The following INSC variants were observed in gnomAD, a reference collection of about 807,000 sequenced individuals.
INSC encodes protein inscuteable homolog.
A neutral mutation model predicts 58.6 loss-of-function variants in INSC; 67 were observed. The observed-to-expected ratio is 1.14, with a 90% CI of 0.94 to 1.40. The LOEUF is 1.40. Ranked by LOEUF, INSC falls within the 40% of genes most tolerant of loss-of-function variation. The pLI is 0.00. For synonymous variants in INSC, 262 were observed against 276.1 expected, an observed-to-expected ratio of 0.95 and a Z score of 0.51; for missense variants, 714 against 692.0, an observed-to-expected ratio of 1.03 and a Z score of -0.36.
intron 5 of INSC, among the ~76,000 whole-genome samples, chr11:15,181,187 G>C (rs76004553): frequency 6.6e-6 from 1 of 152,154 alleles, no homozygotes; most frequent in Non-Finnish European, 1.5e-5. Context: ...CATAGGCAGG[G>C]GTTTTGGTTT....
Position 15,247,194 on chromosome 11 carries a change from T to A in INSC, c.*1154T>A, listed in dbSNP as rs1308457869. ...ATTATAATAATGTTTCAATAAACATTTCTTAAATTCCCAATTACTAGTTTA... is the reference window on the plus strand; with the variant it reads ...ATTATAATAATGTTTCAATAAACATATCTTAAATTCCCAATTACTAGTTTA... On this transcript the variant is annotated 3_prime_UTR_variant, in exon 13 of 13. Transcript: ENST00000379556. 6.6e-6 allele frequency: 1 copy of A among 152,180 alleles called. No homozygotes were observed. Among genetic ancestry groups the A allele is most frequent in the Non-Finnish European group, 1.5e-5 (1 of 68,034 alleles). The allele number at this position is 152,180 out of a possible 1,614,324, so 9.4% of individuals were successfully genotyped here.
intron 2 of INSC, among the ~76,000 whole-genome samples, chr11:15,163,750 C>T (rs557243224): frequency 2.2e-4 from 34 of 152,216 alleles, no homozygotes; most frequent in South Asian, 1.2e-3. Context: ...CCTGCCACCA[C>T]GCTCAACTAA....
At chr11:15,129,255 A>G (rs1296071279) in intron 1 of INSC, among the ~76,000 whole-genome samples, 2 of 151,990 alleles carry the variant, frequency 1.3e-5, no homozygotes, top group Non-Finnish European at 2.9e-5. Flanking sequence ...TCTTGGGTCT[A>G]TTTAGGGGCT....
chr11:15,175,908 A>G lies in INSC; in HGVS notation c.224A>G (p.Gln75Arg). ...GGCCCTGGCCCTGGAGACCCCCTGC[A>G]GCTGCTGCTCAAACGGGGTTGGGTC... ...AGGPGPGDPLQLLLKRGWVIS... is the reference protein window; with the variant it reads ...AGGPGPGDPLRLLLKRGWVIS... The change falls in exon 3 of 13, where the codon CAG becomes CGG. Residue 75 changes from glutamine (Q) to arginine (R), a missense_variant. Transcript: ENST00000379556. 1.9e-6 allele frequency: 3 copies of G among 1,614,192 alleles called. No individual in the cohort carries two copies. The highest frequency in any genetic ancestry group is 2.5e-6 in the Non-Finnish European group (3 of 1,180,000).
intron 1 of INSC, among the ~76,000 whole-genome samples, chr11:15,142,162 T>G (rs947096901): frequency 7.2e-5 from 11 of 152,212 alleles, no homozygotes; most frequent in African/African-American, 1.2e-4. Context: ...CCTTGTCCCA[T>G]CTTCCCCTGG....
intron 7 of INSC, 124 bp downstream of exon 7, chr11:15,201,073 C>T: frequency 4.1e-6 from 5 of 1,233,694 alleles, no homozygotes; most frequent in Non-Finnish European, 5.6e-6. Context: ...TTTTCCCAGG[C>T]ACCATTCGGA....
intron 9 of INSC, among the ~76,000 whole-genome samples, chr11:15,231,355 CCACA>C (rs1851917691): frequency 6.6e-6 from 1 of 152,074 alleles, no homozygotes; most frequent in African/African-American, 2.4e-5. Context: ...TTGTCTTGGG[CCACA>C]CATAAAATAC....
At chr11:15,196,585 G>A (rs186391466) in intron 6 of INSC, among the ~76,000 whole-genome samples, 13 of 152,242 alleles carry the variant, frequency 8.5e-5, no homozygotes, top group Admixed American at 8.5e-4. Context: ...GGCTGGTGGA[G>A]GTCAAAACTG....
At chr11:15,134,818 A>G (rs1479041612) in intron 1 of INSC, among the ~76,000 whole-genome samples, 1 of 143,236 alleles carries the variant, frequency 7.0e-6, no homozygotes, top group Non-Finnish European at 1.5e-5. Context: ...GTCAAGTCTC[A>G]TCTTCCTCCT....
intron 7 of INSC, 75 bp from the exon 8 acceptor site, chr11:15,221,402 T>C: frequency 6.6e-7 from 1 of 1,504,314 alleles, no homozygotes; most frequent in Non-Finnish European, 9.0e-7. Flanking sequence ...GCTGAATCTG[T>C]ATCTGTCTCA....
intron 7 of INSC, among the ~76,000 whole-genome samples, chr11:15,208,778 C>T (rs1208073624): frequency 6.6e-6 from 1 of 152,172 alleles, no homozygotes; most frequent in African/African-American, 2.4e-5. Context: ...CGCAGAGGCT[C>T]GGTGGGACCC....
chr11:15,248,644 C>T (rs74951359), downstream of INSC, among the ~76,000 whole-genome samples: 37 of 152,262 alleles, frequency 2.4e-4, 1 homozygote, highest in East Asian at 6.8e-3. Flanking sequence ...CTGCCCATTC[C>T]TCAATATCAG....
rs1311621044 is a variant in INSC, at chr11:15,178,448, G to A, written c.579+1G>A. The A allele has an allele frequency of 5.6e-6, 9 of 1,609,174 alleles. No individual in the cohort carries two copies. The highest frequency in any genetic ancestry group is 7.6e-6 in the Non-Finnish European group (9 of 1,179,982). On this transcript the variant is annotated splice_donor_variant, in intron 5 of 12. Transcript: ENST00000379556. LOFTEE classifies it high-confidence loss of function. ...GCTGGCCCTGACACGGGAGGTTCAG[G>A]TCAGTGCAGGCTGGGCTGCAGGGAG...
upstream of INSC, chr11:15,114,849 G>A: frequency 1.3e-6 from 1 of 794,812 alleles, no homozygotes; most frequent in Non-Finnish European, 1.5e-6. Flanking sequence ...CGGAGAGGGC[G>A]GGCGGGGGAG....
intron 5 of INSC, chr11:15,188,404 G>C: frequency 1.0e-6 from 1 of 972,510 alleles, no homozygotes; most frequent in Non-Finnish European, 1.2e-6. Flanking sequence ...AATTCAGAGG[G>C]GTCAGGGCCC....
chr11:15,166,286 G>A lies in INSC; in HGVS notation c.57-9455G>A, dbSNP rs190549929. On this transcript the variant is annotated intron_variant, in intron 2 of 12. Coordinates refer to ENST00000379556, the MANE Select transcript of INSC (RefSeq NM_001042536.3). ...AGAATTGGGGCAATGGTTTCTAAGG[G>A]TCTAAGCTCTACCCAACCAGAGCAT... Among the ~76,000 whole-genome samples, 3 of 152,318 alleles carry A rather than the reference G, an allele frequency of 2.0e-5. No individual in the cohort carries two copies. In the East Asian group the frequency reaches 5.8e-4, roughly 29 times the overall value.
At chr11:15,174,598 G>A (rs1849511863) in intron 2 of INSC, among the ~76,000 whole-genome samples, 1 of 152,192 alleles carries the variant, frequency 6.6e-6, no homozygotes, top group Non-Finnish European at 1.5e-5. Flanking sequence ...GGTAAGATCA[G>A]CGGCAGAAAG....
At chr11:15,152,045 A>T (rs892476776) in intron 2 of INSC, among the ~76,000 whole-genome samples, 1 of 152,244 alleles carries the variant, frequency 6.6e-6, no homozygotes, top group East Asian at 1.9e-4. Flanking sequence ...ACAGCTATTC[A>T]TTTAGTCTTC....
intron 2 of INSC, among the ~76,000 whole-genome samples, chr11:15,156,324 T>A (rs1204382728): frequency 6.6e-6 from 1 of 152,232 alleles, no homozygotes. Flanking sequence ...CTAAGGGCAG[T>A]CTTGCATAGC....
Sources: gnomAD v4.1 joint callset for allele counts (sites outside exome capture counted in the v4.1 genomes callset) on GRCh38, gnomAD v4.1.1 for gene constraint, MANE v1.5 for transcripts, NCBI Gene and HGNC (gene_info 2026-07-23, HGNC 2026-07-21) for gene names.